Variants in SPATS2 observed in about 807,000 individuals in gnomAD.
SPATS2 encodes spermatogenesis associated serine rich 2, also known as spermatogenesis-associated serine-rich protein 2.
SPATS2 carries 38 observed loss-of-function variants against 63.7 expected under a neutral mutation model. The observed-to-expected ratio is 0.60, with a 90% CI of 0.46 to 0.78. The LOEUF (loss-of-function observed/expected upper bound fraction) is 0.78, where lower values mean the gene tolerates loss of function less well. SPATS2 is among the 30% of genes least tolerant of loss of function. The probability of loss-of-function intolerance (pLI) is 0.00; values close to 1 mark genes in which losing one functional copy is unlikely to be tolerated. For missense variants in SPATS2, 588 were observed against 666.2 expected (o/e 0.88, Z 1.29); for synonymous variants, 207 against 232.9 (o/e 0.89, Z 1.01).
intron 2 of SPATS2, chr12:49,389,500 G>A: frequency 2.3e-6 from 2 of 867,336 alleles, no homozygotes; most frequent in Middle Eastern, 2.7e-4. Flanking sequence ...ACTAAGAGCA[G>A]GATATATCTT....
chr12:49,456,417 G>A (rs1163996959), intron 2 of SPATS2, among the ~76,000 whole-genome samples: 1 of 152,230 alleles, frequency 6.6e-6, no homozygotes, highest in Non-Finnish European at 1.5e-5. Context: ...AGAGGCCAGT[G>A]TGGCTCCAGT....
intron 2 of SPATS2, among the ~76,000 whole-genome samples, chr12:49,455,519 C>G (rs917864302): frequency 6.6e-5 from 10 of 152,202 alleles, no homozygotes; most frequent in Non-Finnish European, 5.9e-5. Context: ...GCAGTGCCCC[C>G]ACCTTAGCCT....
chr12:49,441,923 C>T (rs1223523590), intron 2 of SPATS2: 1 of 152,128 alleles, frequency 6.6e-6, no homozygotes, highest in East Asian at 1.9e-4. Flanking sequence ...GCTACCATGA[C>T]CAAAGATGTT....
intron 3 of SPATS2, among the ~76,000 whole-genome samples, chr12:49,483,609 T>C (rs1037641218): frequency 1.3e-5 from 2 of 152,258 alleles, no homozygotes; most frequent in Non-Finnish European, 2.9e-5. Flanking sequence ...GAATCTTTAA[T>C]TGAAACATAT....
chr12:49,495,118 T>A, intron 7 of SPATS2, 116 bp downstream of exon 7: 1 of 1,098,606 alleles, frequency 9.1e-7, no homozygotes, highest in East Asian at 2.9e-5. Context: ...TGCTTGCTGA[T>A]TAGTCTTTTT....
intron 10 of SPATS2, among the ~76,000 whole-genome samples, chr12:49,517,150 G>C (rs781023847): frequency 5.9e-5 from 9 of 152,194 alleles, no homozygotes; most frequent in Non-Finnish European, 7.3e-5. Flanking sequence ...GAATGCTAGA[G>C]CTGAGAGAAA....
chr12:49,502,556 T>A (rs771824818), intron 9 of SPATS2, among the ~76,000 whole-genome samples: 1 of 152,130 alleles, frequency 6.6e-6, no homozygotes, highest in Non-Finnish European at 1.5e-5. Context: ...GCTCAAGCCA[T>A]CCTCCCACCC....
intron 2 of SPATS2, among the ~76,000 whole-genome samples, chr12:49,425,831 C>T (rs183695107): frequency 2.5e-4 from 38 of 152,148 alleles, no homozygotes; most frequent in Admixed American, 2.4e-3. Flanking sequence ...GGGGGTTTCA[C>T]CACGTTGGCC....
intron 2 of SPATS2, among the ~76,000 whole-genome samples, chr12:49,440,568 A>G (rs1371116757): frequency 6.6e-6 from 1 of 151,388 alleles, no homozygotes; most frequent in East Asian, 1.9e-4. Flanking sequence ...TCCCGAGTTC[A>G]AGCGATTCTT....
intron 8 of SPATS2, among the ~76,000 whole-genome samples, chr12:49,499,143 T>G (rs1336959645): frequency 2.0e-5 from 3 of 152,228 alleles, no homozygotes; most frequent in Non-Finnish European, 2.9e-5. Context: ...TTCTATCATC[T>G]GTGTCATTTC....
At chr12:49,434,920 C>A (rs1945246617) in intron 2 of SPATS2, among the ~76,000 whole-genome samples, 1 of 151,846 alleles carries the variant, frequency 6.6e-6, no homozygotes, top group South Asian at 2.1e-4. Flanking sequence ...TTACTAGTAT[C>A]CCCACATTTC....
At chr12:49,511,348 T>C (rs1342939188) in intron 9 of SPATS2, among the ~76,000 whole-genome samples, 1 of 152,144 alleles carries the variant, frequency 6.6e-6, no homozygotes, top group Non-Finnish European at 1.5e-5. Flanking sequence ...TCTTTCATGA[T>C]TGAAGAAAGG....
At chr12:49,518,470 C>T (rs1001340500) in intron 10 of SPATS2, among the ~76,000 whole-genome samples, 4 of 152,142 alleles carry the variant, frequency 2.6e-5, no homozygotes, top group Non-Finnish European at 5.9e-5. Flanking sequence ...GGTATATCCA[C>T]ATACTGGGTG....
At chr12:49,440,776 T>A (rs1363601733) in intron 2 of SPATS2, among the ~76,000 whole-genome samples, 1 of 152,198 alleles carries the variant, frequency 6.6e-6, no homozygotes, top group African/African-American at 2.4e-5. Context: ...CAATATTTTT[T>A]AATAAATACA....
chr12:49,515,523 A>G (rs1485395118), intron 10 of SPATS2, among the ~76,000 whole-genome samples: 2 of 152,242 alleles, frequency 1.3e-5, no homozygotes, highest in East Asian at 1.9e-4. Flanking sequence ...GCTTTGGTCC[A>G]TTTTAACTTG....
intron 2 of SPATS2, among the ~76,000 whole-genome samples, chr12:49,383,464 G>T (rs544646918): frequency 6.6e-6 from 1 of 151,980 alleles, no homozygotes; most frequent in Admixed American, 6.6e-5. Context: ...TGGCTGGAGC[G>T]CAGTGACATC....
chr12:49,478,123 T>A (rs933676811), intron 3 of SPATS2, among the ~76,000 whole-genome samples: 2 of 152,006 alleles, frequency 1.3e-5, no homozygotes, highest in African/African-American at 4.8e-5. Flanking sequence ...TACAGATGCA[T>A]GCATGCCAGC....
intron 9 of SPATS2, among the ~76,000 whole-genome samples, chr12:49,504,799 G>A (rs1367295593): frequency 2.3e-5 from 3 of 132,470 alleles, no homozygotes; most frequent in Admixed American, 1.6e-4. Flanking sequence ...TTAAGACAGG[G>A]TCTCTGTTGA....
At chr12:49,478,558 T>G (rs1199420427) in intron 3 of SPATS2, among the ~76,000 whole-genome samples, 2 of 152,196 alleles carry the variant, frequency 1.3e-5, no homozygotes, top group East Asian at 3.9e-4. Context: ...TTCAGGTTGT[T>G]TAATTGTTCA....
Sources: allele counts gnomAD v4.1 joint callset (sites outside exome capture counted in the v4.1 genomes callset), GRCh38; gene constraint gnomAD v4.1.1; transcripts MANE v1.5; gene names NCBI Gene and HGNC (gene_info 2026-07-23, HGNC 2026-07-21).